Variants in RAB38 observed in about 807,000 individuals in gnomAD.
The protein encoded by RAB38 is ras-related protein Rab-38.
A neutral mutation model predicts 18.4 loss-of-function variants in RAB38; 15 were observed. The ratio of observed to expected loss-of-function variants is 0.82; its 90% CI spans 0.55 to 1.26. RAB38 has a LOEUF of 1.26. Among genes scored for constraint, RAB38 ranks in the 50% most tolerant of loss-of-function variants. The probability of loss-of-function intolerance (pLI) is 0.00; values close to 1 mark genes in which losing one functional copy is unlikely to be tolerated. For missense variants in RAB38, 294 were observed against 267.4 expected (o/e 1.10, Z -0.69); for synonymous variants, 101 against 104.4 (o/e 0.97, Z 0.20).
chr11:88,116,797 AAAGT>A (rs1372387560), intron 2 of RAB38, among the ~76,000 whole-genome samples: 2 of 152,198 alleles, frequency 1.3e-5, no homozygotes, highest in Non-Finnish European at 2.9e-5. Context: ...AAATTAGATA[AAAGT>A]TAGTATTTTT....
the RAB38 span, among the ~76,000 whole-genome samples, chr11:87,921,255 C>T: frequency 1.5e-3 from 234 of 152,014 alleles, 9 homozygotes; most frequent in South Asian, 0.047. Flanking sequence ...CTTTGAATTT[C>T]GATCATTTCC....
At chr11:87,821,434 T>A in the RAB38 span, among the ~76,000 whole-genome samples, 2 of 152,280 alleles carry the variant, frequency 1.3e-5, no homozygotes, top group South Asian at 4.1e-4. Flanking sequence ...CAGCAATGAC[T>A]CTCTATAAAA....
the RAB38 span, among the ~76,000 whole-genome samples, chr11:87,895,158 C>T: frequency 2.6e-5 from 4 of 151,486 alleles, no homozygotes; most frequent in African/African-American, 9.7e-5. Context: ...TCTAGCGGGG[C>T]CTCTGGAAAG....
At chr11:88,046,915 A>G in the RAB38 span, among the ~76,000 whole-genome samples, 1 of 152,060 alleles carries the variant, frequency 6.6e-6, no homozygotes, top group African/African-American at 2.4e-5. Flanking sequence ...ACACTTCATT[A>G]CCCACAGCTG....
chr11:88,076,736 T>C, the RAB38 span, among the ~76,000 whole-genome samples: 3 of 150,222 alleles, frequency 2.0e-5, no homozygotes, highest in Non-Finnish European at 4.4e-5. Flanking sequence ...GTGGATCACC[T>C]GAGATCAGTA....
At chr11:88,014,036 A>T in the RAB38 span, among the ~76,000 whole-genome samples, 2 of 152,278 alleles carry the variant, frequency 1.3e-5, no homozygotes, top group African/African-American at 4.8e-5. Flanking sequence ...AGTGGGAGAT[A>T]GAAGACAAGT....
At chr11:88,154,380 T>C (rs1201873416) in intron 1 of RAB38, among the ~76,000 whole-genome samples, 1 of 152,176 alleles carries the variant, frequency 6.6e-6, no homozygotes, top group African/African-American at 2.4e-5. Context: ...TAGAAGTGTG[T>C]TCTCCTCTGT....
At chr11:87,821,620 C>T in the RAB38 span, among the ~76,000 whole-genome samples, 5 of 152,012 alleles carry the variant, frequency 3.3e-5, no homozygotes, top group African/African-American at 9.6e-5. Flanking sequence ...GAGGCCGAGG[C>T]GGGTAGATCA....
At chr11:87,921,953 C>T in the RAB38 span, among the ~76,000 whole-genome samples, 33 of 151,828 alleles carry the variant, frequency 2.2e-4, no homozygotes, top group African/African-American at 8.0e-4. Context: ...ATTCTGCCAA[C>T]CACAAGGAAG....
At chr11:88,030,380 G>C in the RAB38 span, among the ~76,000 whole-genome samples, 365 of 152,234 alleles carry the variant, frequency 2.4e-3, 1 homozygote, top group South Asian at 5.8e-3. Flanking sequence ...ACTAAAATCA[G>C]AGCAGAACTG....
chr11:88,105,076 C>T, the RAB38 span, among the ~76,000 whole-genome samples: 1 of 151,992 alleles, frequency 6.6e-6, no homozygotes, highest in Non-Finnish European at 1.5e-5. Context: ...CCTCCTGATT[C>T]TTGTATGGAA....
chr11:87,861,261 A>G, the RAB38 span, among the ~76,000 whole-genome samples: 5 of 151,956 alleles, frequency 3.3e-5, no homozygotes, highest in African/African-American at 9.7e-5. Context: ...CAGTTGGTTC[A>G]GGTTACACAG....
chr11:87,937,984 G>T, the RAB38 span, among the ~76,000 whole-genome samples: 4 of 149,394 alleles, frequency 2.7e-5, no homozygotes, highest in African/African-American at 7.4e-5. Context: ...TTCACTTTCA[G>T]ATCTTTCTGG....
the RAB38 span, among the ~76,000 whole-genome samples, chr11:87,830,677 T>C: frequency 6.6e-6 from 1 of 152,132 alleles, no homozygotes; most frequent in Admixed American, 6.5e-5. Flanking sequence ...TGATGTAGCA[T>C]AAAATTTAAT....
the RAB38 span, among the ~76,000 whole-genome samples, chr11:87,836,564 GTTT>G: frequency 3.5e-3 from 526 of 152,150 alleles, 3 homozygotes; most frequent in African/African-American, 0.012. Flanking sequence ...AATCTCAATT[GTTT>G]TCCTTGATTC....
At chr11:87,945,024 T>C in the RAB38 span, among the ~76,000 whole-genome samples, 9 of 152,254 alleles carry the variant, frequency 5.9e-5, no homozygotes, top group Non-Finnish European at 1.3e-4. Flanking sequence ...GCCTCTGAAC[T>C]AGCTAGACAA....
At chr11:88,029,494 G>A in the RAB38 span, among the ~76,000 whole-genome samples, 2 of 152,130 alleles carry the variant, frequency 1.3e-5, no homozygotes, top group African/African-American at 4.8e-5. Flanking sequence ...CATCTCACAT[G>A]CAGAGACACA....
At chr11:88,107,860 C>G in the RAB38 span, among the ~76,000 whole-genome samples, 1 of 152,014 alleles carries the variant, frequency 6.6e-6, no homozygotes, top group Admixed American at 6.6e-5. Flanking sequence ...TTATTTCTAC[C>G]TTAATTTCGT....
the RAB38 span, among the ~76,000 whole-genome samples, chr11:87,927,043 T>C: frequency 1.1e-4 from 16 of 152,060 alleles, no homozygotes; most frequent in Non-Finnish European, 2.9e-5. Flanking sequence ...GGTTGTACTG[T>C]TTCAACTGCT....
Sources: gnomAD v4.1 joint callset for allele counts (sites outside exome capture counted in the v4.1 genomes callset) on GRCh38, gnomAD v4.1.1 for gene constraint, MANE v1.5 for transcripts, NCBI Gene and HGNC (gene_info 2026-07-23, HGNC 2026-07-21) for gene names.